The following TBC1D1 variants were observed in gnomAD, a reference collection of about 807,000 sequenced individuals.
TBC1D1 encodes TBC1 (tre-2/USP6, BUB2, cdc16) domain family, member 1.
A neutral mutation model predicts 125.6 loss-of-function variants in TBC1D1; 89 were observed. That is an observed-to-expected ratio of 0.71 (90% CI 0.60 to 0.85). TBC1D1 has a LOEUF of 0.85. TBC1D1 is among the 40% of genes least tolerant of loss of function. The pLI, the probability that TBC1D1 is intolerant of heterozygous loss-of-function variation, is 0.00. For synonymous variants in TBC1D1, 565 were observed against 564.1 expected, an observed-to-expected ratio of 1.00 and a Z score of -0.02; for missense variants, 1,377 against 1,469.2, an observed-to-expected ratio of 0.94 and a Z score of 1.03.
intron 2 of TBC1D1, among the ~76,000 whole-genome samples, chr4:37,915,752 C>T (rs929778553): frequency 2.6e-5 from 4 of 152,254 alleles, no homozygotes; most frequent in Middle Eastern, 3.4e-3. Flanking sequence ...TTTTCCTTTC[C>T]TCCTTCATCA....
At chr4:38,004,339 C>T (rs1284229283) in intron 2 of TBC1D1, among the ~76,000 whole-genome samples, 1 of 152,152 alleles carries the variant, frequency 6.6e-6, no homozygotes, top group East Asian at 1.9e-4. Flanking sequence ...TTGTACTTCC[C>T]TCCCTCCCTC....
chr4:37,946,043 G>A (rs1726638311), intron 2 of TBC1D1, among the ~76,000 whole-genome samples: 1 of 152,124 alleles, frequency 6.6e-6, no homozygotes, highest in Non-Finnish European at 1.5e-5. Flanking sequence ...AATATATTTT[G>A]ATACAAAGAA....
chr4:38,117,210 TG>T (rs1297561522), intron 16 of TBC1D1, among the ~76,000 whole-genome samples: 2 of 152,220 alleles, frequency 1.3e-5, no homozygotes, highest in African/African-American at 4.8e-5. Context: ...AAAACGGTTT[TG>T]TTTTCTTTCT....
chr4:37,992,343 A>C lies in TBC1D1; in HGVS notation c.418-22166A>C, dbSNP rs558890763. Among the ~76,000 whole-genome samples, 8 of 152,278 alleles carry C rather than the reference A, an allele frequency of 5.3e-5. No homozygotes were observed. In the South Asian group the frequency reaches 1.5e-3, roughly 28 times the overall value. ...GAGCTGAGGGAAAGAAGGAGTAAGG[A>C]GAAAGAAGAGCAGAAGCCACTTACC... On this transcript the variant is annotated intron_variant, in intron 2 of 19. Coordinates refer to ENST00000261439, the MANE Select transcript of TBC1D1 (RefSeq NM_015173.4).
At chr4:38,077,898 T>G (rs941944716) in intron 12 of TBC1D1, among the ~76,000 whole-genome samples, 50 of 152,104 alleles carry the variant, frequency 3.3e-4, no homozygotes, top group African/African-American at 1.2e-3. Context: ...GGAAGTAGTA[T>G]TCTAAATCTG....
At position 38,095,918 on chromosome 4, in the gene TBC1D1, G is replaced by A. The variant is rs371607313; in HGVS notation, c.2237-11G>A. 29 of 1,609,894 alleles carry A rather than the reference G, an allele frequency of 1.8e-5. No individual in the cohort carries two copies. The highest frequency in any genetic ancestry group is 2.4e-5 in the Non-Finnish European group (28 of 1,178,404). On this transcript the variant is annotated splice_polypyrimidine_tract_variant and intron_variant, in intron 13 of 19. Coordinates refer to ENST00000261439, the MANE Select transcript of TBC1D1 (RefSeq NM_015173.4). ...GCCTTTACTAATGCGCTCTGGAATG[G>A]TCTATTCCAGCCTCTGAAAATGATT...
At chr4:37,948,576 G>A (rs1254973149) in intron 2 of TBC1D1, among the ~76,000 whole-genome samples, 5 of 150,214 alleles carry the variant, frequency 3.3e-5, no homozygotes, top group East Asian at 2.0e-4. Flanking sequence ...GCAGTGAGCC[G>A]AGATCTCACC....
At chr4:37,955,828 C>T (rs1419549190) in intron 2 of TBC1D1, among the ~76,000 whole-genome samples, 1 of 152,058 alleles carries the variant, frequency 6.6e-6, no homozygotes, top group African/African-American at 2.4e-5. Context: ...TTCTATTATG[C>T]ATATAGATTA....
chr4:38,105,083 A>G (rs914895001), intron 15 of TBC1D1, among the ~76,000 whole-genome samples: 6 of 152,104 alleles, frequency 3.9e-5, no homozygotes, highest in Non-Finnish European at 8.8e-5. Flanking sequence ...TAGCTTGAAC[A>G]TCATCTCTGA....
chr4:37,899,020 TTGTA>T (rs1245923893), intron 1 of TBC1D1, among the ~76,000 whole-genome samples: 2 of 152,194 alleles, frequency 1.3e-5, no homozygotes, highest in South Asian at 2.1e-4. Context: ...AGACTTCAGA[TTGTA>T]TGGGGGAATT....
intron 15 of TBC1D1, chr4:38,111,957 G>A (rs1420706264): frequency 1.0e-6 from 1 of 985,448 alleles, no homozygotes; most frequent in East Asian, 1.1e-4. Context: ...TGTGCAGTGG[G>A]ACAGGAAGTT....
At chr4:38,034,709 A>AC (rs1203624971) in intron 7 of TBC1D1, among the ~76,000 whole-genome samples, 1 of 152,240 alleles carries the variant, frequency 6.6e-6, no homozygotes, top group Non-Finnish European at 1.5e-5. Flanking sequence ...GAGGGGAGGA[A>AC]CAGGCAATGG....
At chr4:38,041,863 G>T (rs1748447522) in intron 8 of TBC1D1, among the ~76,000 whole-genome samples, 1 of 152,278 alleles carries the variant, frequency 6.6e-6, no homozygotes, top group East Asian at 1.9e-4. Flanking sequence ...AAAGATGTCT[G>T]CAGTGGTTCC....
chr4:37,998,811 T>C (rs1197249717), intron 2 of TBC1D1, among the ~76,000 whole-genome samples: 1 of 152,222 alleles, frequency 6.6e-6, no homozygotes, highest in Non-Finnish European at 1.5e-5. Context: ...ATAAGTGGTA[T>C]TGATGCCTGA....
At chr4:37,979,540 T>C (rs765557586) in intron 2 of TBC1D1, among the ~76,000 whole-genome samples, 1 of 152,216 alleles carries the variant, frequency 6.6e-6, no homozygotes, top group Non-Finnish European at 1.5e-5. Flanking sequence ...AAGGCATAGA[T>C]AATGTACACA....
In TBC1D1 at chr4:37,977,154, C is replaced by CG. The variant is rs1200619828; in HGVS notation, c.418-37353dup. Among the ~76,000 whole-genome samples, 3 of 152,124 alleles carry CG rather than the reference C, an allele frequency of 2.0e-5. No homozygotes were observed. The East Asian group carries it at 5.8e-4, about 29-fold the overall frequency. On this transcript the variant is annotated intron_variant, in intron 2 of 19. Coordinates refer to ENST00000261439, the MANE Select transcript of TBC1D1 (RefSeq NM_015173.4). The surrounding 1 kb of genome is among the most constrained non-coding windows in gnomAD (Gnocchi z 4.3). ...GTTTCCTGCGCAGCCCTGGGCATCT[C>CG]GGAAGGGGGCGACCCCAGCATGTCC... is the stretch of plus-strand genomic sequence containing the variant.
intron 2 of TBC1D1, among the ~76,000 whole-genome samples, chr4:37,984,515 C>CAT (rs1735026318): frequency 1.3e-5 from 2 of 152,056 alleles, no homozygotes; most frequent in Non-Finnish European, 2.9e-5. Flanking sequence ...TGATGTAGTC[C>CAT]TACTCCCTTT....
At chr4:38,052,718 GCGCGCGCGCGCACACACACA>G (rs1750902807) in intron 11 of TBC1D1, among the ~76,000 whole-genome samples, 1 of 57,352 alleles carries the variant, frequency 1.7e-5, no homozygotes, top group Non-Finnish European at 3.3e-5. Context: ...ACACACGCGC[GCGCGCGCGCGCACACACACA>G]CACACACACA....
intron 12 of TBC1D1, among the ~76,000 whole-genome samples, chr4:38,081,408 CG>C (rs1415756777): frequency 6.6e-6 from 1 of 151,602 alleles, no homozygotes; most frequent in Admixed American, 6.6e-5. Context: ...CCTATTTCTA[CG>C]TGACCATGGG....
Sources: gnomAD v4.1 joint callset for allele counts (sites outside exome capture counted in the v4.1 genomes callset) on GRCh38, gnomAD v4.1.1 for gene constraint, Gnocchi (gnomAD v3.1) non-coding constraint, MANE v1.5 for transcripts, NCBI Gene and HGNC (gene_info 2026-07-23, HGNC 2026-07-21) for gene names.